The following FTO variants were observed in gnomAD, a reference collection of about 807,000 sequenced individuals.
FTO encodes alpha-ketoglutarate-dependent dioxygenase FTO.
FTO carries 47 observed loss-of-function variants against 63.9 expected under a neutral mutation model. The observed-to-expected ratio is 0.74, with a 90% CI of 0.58 to 0.94. FTO has a LOEUF of 0.94. Ranked by LOEUF, FTO falls within the 40% of genes least tolerant of loss-of-function variation. FTO has a pLI of 0.00. For synonymous variants in FTO, 207 were observed against 224.4 expected (o/e 0.92, Z 0.69); for missense variants, 562 against 618.1 (o/e 0.91, Z 0.96).
At chr16:54,104,652 A>G (rs2689269) in intron 8 of FTO, among the ~76,000 whole-genome samples, 71,447 of 151,906 alleles carry the variant, frequency 0.47, 17,131 homozygotes, top group African/African-American at 0.52. Flanking sequence ...ATGCTATTGC[A>G]CATTAGGAGA....
At chr16:53,882,371 AG>A (rs1313919722) in intron 6 of FTO, among the ~76,000 whole-genome samples, 3 of 83,700 alleles carry the variant, frequency 3.6e-5, no homozygotes, top group Non-Finnish European at 2.3e-5. Flanking sequence ...TAAGTGCTAC[AG>A]GAAAAAAAAA....
intron 1 of FTO, among the ~76,000 whole-genome samples, chr16:53,708,736 C>T (rs1400805877): frequency 6.6e-6 from 1 of 152,156 alleles, no homozygotes; most frequent in Admixed American, 6.5e-5. Context: ...GAAGTAGTAT[C>T]TCATTGTGGT....
intron 8 of FTO, chr16:53,937,855 C>A (rs1029266137): frequency 1.3e-5 from 2 of 152,114 alleles, no homozygotes; most frequent in African/African-American, 4.8e-5. Context: ...TGTCCACACC[C>A]GAGTTGTCTT....
intron 7 of FTO, among the ~76,000 whole-genome samples, chr16:53,901,238 A>G (rs140184800): frequency 6.6e-6 from 1 of 152,302 alleles, no homozygotes; most frequent in Non-Finnish European, 1.5e-5. Flanking sequence ...TTTTTCTCTG[A>G]TAAATTGAAT....
intron 6 of FTO, among the ~76,000 whole-genome samples, chr16:53,880,985 G>A (rs1718453343): frequency 6.7e-6 from 1 of 149,770 alleles, no homozygotes; most frequent in African/African-American, 2.4e-5. Flanking sequence ...AGCTGGGCAT[G>A]GTGGCGGGTG....
At chr16:53,987,038 G>A (rs552718280) in intron 8 of FTO, among the ~76,000 whole-genome samples, 1 of 152,172 alleles carries the variant, frequency 6.6e-6, no homozygotes, top group African/African-American at 2.4e-5. Context: ...CCACGCAGAT[G>A]TAAACTTCTA....
At chr16:53,772,650 G>A (rs879456394) in intron 1 of FTO, among the ~76,000 whole-genome samples, 19 of 152,086 alleles carry the variant, frequency 1.2e-4, no homozygotes, top group Non-Finnish European at 2.1e-4. Context: ...GGAAGACATG[G>A]ATTTCCTTGG....
At chr16:53,924,147 A>G (rs1404192536) in intron 7 of FTO, among the ~76,000 whole-genome samples, 1 of 152,116 alleles carries the variant, frequency 6.6e-6, no homozygotes, top group Non-Finnish European at 1.5e-5. Context: ...TCCTAATACC[A>G]ATTTCTAACA....
chr16:53,961,144 CT>C lies in FTO; in HGVS notation c.1364+27047del, dbSNP rs200563364. Among the ~76,000 whole-genome samples, 934 of 146,028 alleles carry C rather than the reference CT, an allele frequency of 6.4e-3. 3 individuals carry two copies. Among genetic ancestry groups the C allele is most frequent in the African/African-American group, 8.0e-3 (322 of 40,182 alleles). On this transcript the variant is annotated intron_variant, in intron 8 of 8. Transcript: ENST00000471389. ...AGAGATCCTGCCATCAGAGGCTCTCCTTTTTTTTTTTTCCCCTCTCCTGCAG... is the reference window on the plus strand; with the variant it reads ...AGAGATCCTGCCATCAGAGGCTCTCCTTTTTTTTTTTCCCCTCTCCTGCAG...
At chr16:53,859,987 C>T (rs896760996) in intron 4 of FTO, among the ~76,000 whole-genome samples, 1 of 152,130 alleles carries the variant, frequency 6.6e-6, no homozygotes, top group Non-Finnish European at 1.5e-5. Context: ...ATCTTCATTC[C>T]CATGTTCATT....
chr16:53,734,277 A>G (rs934753499), intron 1 of FTO, among the ~76,000 whole-genome samples: 4 of 152,202 alleles, frequency 2.6e-5, no homozygotes, highest in African/African-American at 7.2e-5. Flanking sequence ...TTTATGAATA[A>G]GAGATTCACT....
chr16:53,911,615 C>T, intron 7 of FTO: 1 of 636,348 alleles, frequency 1.6e-6, no homozygotes, highest in Non-Finnish European at 2.9e-6. Flanking sequence ...CCTGGAGGTT[C>T]CTGAGAGGAA....
At chr16:53,987,786 GTAT>G (rs1229192497) in intron 8 of FTO, among the ~76,000 whole-genome samples, 6 of 152,100 alleles carry the variant, frequency 3.9e-5, no homozygotes, top group African/African-American at 1.4e-4. Flanking sequence ...TTACTCTTCA[GTAT>G]TATTATTTTT....
intron 4 of FTO, among the ~76,000 whole-genome samples, chr16:53,872,046 G>A (rs1019068192): frequency 6.6e-6 from 1 of 152,136 alleles, no homozygotes; most frequent in African/African-American, 2.4e-5. Context: ...ATCCTTTTGA[G>A]GCTTAGTTTT....
chr16:54,112,099 G>C lies in FTO; in HGVS notation c.*184G>C, dbSNP rs183282528. The C allele has an allele frequency of 1.5e-6, 1 of 648,378 alleles. No homozygotes were observed. The highest frequency in any genetic ancestry group is 1.8e-5 in the African/African-American group (1 of 55,042). 40.2% of individuals were successfully genotyped at this position (648,378 alleles called of 1,614,324 possible). On this transcript the variant is annotated 3_prime_UTR_variant, in exon 9 of 9. Transcript: ENST00000471389. Reference sequence around the variant, plus strand: ...TTTAAATGTTTTAAAATGACCCTGTGTTATAGTCTGATTTGGTGTTAAACA... The same window carrying C: ...TTTAAATGTTTTAAAATGACCCTGTCTTATAGTCTGATTTGGTGTTAAACA...
intron 7 of FTO, among the ~76,000 whole-genome samples, chr16:53,924,083 T>G (rs1273881511): frequency 6.6e-6 from 1 of 152,222 alleles, no homozygotes; most frequent in Non-Finnish European, 1.5e-5. Context: ...TCCATATCTT[T>G]TCTTCTGTGA....
chr16:53,726,583 A>G (rs562338464), intron 1 of FTO, among the ~76,000 whole-genome samples: 2 of 152,302 alleles, frequency 1.3e-5, no homozygotes, highest in East Asian at 1.9e-4. Flanking sequence ...ATAGGAAAAA[A>G]AGTCAAATTT....
At chr16:53,964,347 G>A (rs1409601563) in intron 8 of FTO, among the ~76,000 whole-genome samples, 1 of 152,180 alleles carries the variant, frequency 6.6e-6, no homozygotes, top group African/African-American at 2.4e-5. Context: ...ACTAAAAGAG[G>A]TGGCAGGATT....
intron 8 of FTO, among the ~76,000 whole-genome samples, chr16:54,091,744 G>C (rs1202706081): frequency 6.6e-6 from 1 of 152,180 alleles, no homozygotes; most frequent in Admixed American, 6.5e-5. Context: ...TTGGAGCATG[G>C]GCTCTGGAAC....
Sources: allele counts gnomAD v4.1 joint callset (sites outside exome capture counted in the v4.1 genomes callset), GRCh38; gene constraint gnomAD v4.1.1; transcripts MANE v1.5; gene names NCBI Gene and HGNC (gene_info 2026-07-23, HGNC 2026-07-21).